MCC: variants seen among roughly 807,000 people sequenced by gnomAD.
MCC encodes the protein MCC regulator of Wnt signaling pathway.
MCC carries 90 observed loss-of-function variants against 116.2 expected under a neutral mutation model. The ratio of observed to expected loss-of-function variants is 0.77; its 90% CI spans 0.65 to 0.92. MCC has a LOEUF of 0.92. MCC is among the 40% of genes least tolerant of loss of function. The pLI, the probability that MCC is intolerant of heterozygous loss-of-function variation, is 0.00. For missense variants in MCC, 1,516 were observed against 1,312.2 expected (o/e 1.16, Z -2.40); for synonymous variants, 578 against 510.5 (o/e 1.13, Z -1.78).
chr5:113,166,253 A>G (rs1410794686), intron 3 of MCC, among the ~76,000 whole-genome samples: 2 of 152,186 alleles, frequency 1.3e-5, no homozygotes, highest in African/African-American at 4.8e-5. Context: ...CCTAGATAAA[A>G]ATATCAAAAG....
At chr5:113,402,077 G>A (rs546787384) in intron 1 of MCC, among the ~76,000 whole-genome samples, 24 of 151,890 alleles carry the variant, frequency 1.6e-4, no homozygotes, top group Non-Finnish European at 2.5e-4. Context: ...GGTGGATCAC[G>A]AGGTCCGGAG....
chr5:113,456,025 A>T (rs1252913739), intron 1 of MCC, among the ~76,000 whole-genome samples: 1 of 152,248 alleles, frequency 6.6e-6, no homozygotes, highest in East Asian at 1.9e-4. Context: ...AGGTTAAATT[A>T]TGTAATATTT....
At chr5:113,122,871 A>T (rs1391351686) in intron 5 of MCC, 45 bp from the exon 6 acceptor site, 1 of 1,589,894 alleles carries the variant, frequency 6.3e-7, no homozygotes, top group Non-Finnish European at 8.6e-7. Context: ...AGGATATAAG[A>T]CAACCCCCTA....
intron 3 of MCC, among the ~76,000 whole-genome samples, chr5:113,257,848 G>A (rs1281396870): frequency 6.6e-6 from 1 of 152,180 alleles, no homozygotes; most frequent in African/African-American, 2.4e-5. Flanking sequence ...TCCCGAGGGA[G>A]GGGAAAGCGT....
intron 3 of MCC, among the ~76,000 whole-genome samples, chr5:113,197,134 G>A (rs146564504): frequency 1.7e-3 from 253 of 152,310 alleles, no homozygotes; most frequent in Non-Finnish European, 2.8e-3. Context: ...GGTGGGCTGG[G>A]GGGTCCGCTC....
At chr5:113,269,232 C>G in intron 3 of MCC, 1 of 985,332 alleles carries the variant, frequency 1.0e-6, no homozygotes, top group Middle Eastern at 5.2e-4. Context: ...CAATCTCTCT[C>G]CAGGTGGGGA....
At chr5:113,413,447 G>A (rs559696711) in intron 1 of MCC, among the ~76,000 whole-genome samples, 2 of 152,288 alleles carry the variant, frequency 1.3e-5, no homozygotes, top group South Asian at 4.1e-4. Context: ...CTCAATTTCA[G>A]AGCCTGTTAT....
intron 1 of MCC, among the ~76,000 whole-genome samples, chr5:113,409,410 G>C (rs986417331): frequency 2.0e-5 from 3 of 151,930 alleles, no homozygotes; most frequent in African/African-American, 7.3e-5. Flanking sequence ...GGAGTGCAGT[G>C]GTGTGATCAC....
chr5:113,111,013 G>A (rs1377408947), intron 6 of MCC, among the ~76,000 whole-genome samples: 2 of 152,050 alleles, frequency 1.3e-5, no homozygotes, highest in African/African-American at 4.8e-5. Flanking sequence ...CCAAGTCCAT[G>A]GCTCCTCCTG....
intron 3 of MCC, among the ~76,000 whole-genome samples, chr5:113,231,483 A>G (rs905928608): frequency 2.0e-5 from 3 of 152,156 alleles, no homozygotes; most frequent in African/African-American, 7.2e-5. Context: ...GCCAGATCAC[A>G]ACTCAGAATA....
At chr5:113,048,163 T>C (rs1460445192) in intron 16 of MCC, among the ~76,000 whole-genome samples, 1 of 152,214 alleles carries the variant, frequency 6.6e-6, no homozygotes. Context: ...CTCAGACCTG[T>C]GAGACTTAAG....
chr5:113,276,217 T>C (rs140361947), intron 3 of MCC, among the ~76,000 whole-genome samples: 2 of 152,288 alleles, frequency 1.3e-5, no homozygotes, highest in East Asian at 3.9e-4. Flanking sequence ...TCCTTCACCA[T>C]TGTAAAGGCA....
intron 12 of MCC, among the ~76,000 whole-genome samples, chr5:113,068,482 TG>T (rs1271263866): frequency 1.3e-5 from 2 of 152,228 alleles, no homozygotes; most frequent in African/African-American, 4.8e-5. Context: ...GATTCCCTTG[TG>T]GTAGGCCACT....
intron 3 of MCC, among the ~76,000 whole-genome samples, chr5:113,253,325 G>A (rs1229629595): frequency 6.6e-6 from 1 of 152,178 alleles, no homozygotes; most frequent in Non-Finnish European, 1.5e-5. Flanking sequence ...GCCTATCAGG[G>A]TGGTGGCACG....
At position 113,276,927 on chromosome 5, in the gene MCC, T is replaced by C. The variant is rs1257108194; in HGVS notation, c.627+63592A>G. Among the ~76,000 whole-genome samples, 5 of 151,282 alleles carry C rather than the reference T, an allele frequency of 3.3e-5. No individual in the cohort carries two copies. The East Asian group carries it at 7.8e-4, about 24-fold the overall frequency. ...TTGCTGGAATTACAGGTGTGAGCCA[T>C]TGCACCTGGCCAAAAGGAATCAAGT... On this transcript the variant is annotated intron_variant, in intron 3 of 18. Transcript: ENST00000408903.
At chr5:113,416,871 G>C (rs1770165886) in intron 1 of MCC, among the ~76,000 whole-genome samples, 1 of 150,566 alleles carries the variant, frequency 6.6e-6, no homozygotes, top group Non-Finnish European at 1.5e-5. Context: ...AATTATTTTT[G>C]TCAACAATTT....
chr5:113,169,640 T>TGGGG (rs1387833190), intron 3 of MCC, among the ~76,000 whole-genome samples: 3,591 of 152,240 alleles, frequency 0.024, 140 homozygotes, highest in African/African-American at 0.081. Context: ...TGGGGTCACA[T>TGGGG]TCTGGCCATG....
At chr5:113,448,303 A>G (rs1257390066) in intron 1 of MCC, 1 of 152,226 alleles carries the variant, frequency 6.6e-6, no homozygotes, top group African/African-American at 2.4e-5. Context: ...AAGGAAGAAC[A>G]TATGTGGAAG....
In MCC at chr5:113,065,853, G is replaced by A. The variant is rs540666588; in HGVS notation, c.2030-1686C>T. ...ACTCCTGTCAGCGGAATGCAAGGGC[G>A]AGGCTTAATGGGGAACTGCTAAAAA... On this transcript the variant is annotated intron_variant, in intron 13 of 18. Coordinates refer to ENST00000408903, the MANE Select transcript of MCC (RefSeq NM_001085377.2). Among the ~76,000 whole-genome samples, 5 of 152,326 alleles carry A rather than the reference G, an allele frequency of 3.3e-5. No individual in the cohort carries two copies. The South Asian group carries it at 8.3e-4, about 25-fold the overall frequency.
Sources: allele counts gnomAD v4.1 joint callset (sites outside exome capture counted in the v4.1 genomes callset), GRCh38; gene constraint gnomAD v4.1.1; transcripts MANE v1.5; gene names NCBI Gene and HGNC (gene_info 2026-07-23, HGNC 2026-07-21).